Variants in SLIT3 observed in about 807,000 individuals in gnomAD.
The protein encoded by SLIT3 is slit guidance ligand 3.
Under a neutral mutation model 184.0 loss-of-function variants are expected in SLIT3, and 68 were observed. The ratio of observed to expected loss-of-function variants is 0.37; its 90% CI spans 0.30 to 0.45. SLIT3 has a LOEUF of 0.45. Ranked by LOEUF, SLIT3 falls within the 20% of genes least tolerant of loss-of-function variation. SLIT3 has a pLI of 1.00. For synonymous variants in SLIT3, 831 were observed against 828.6 expected, an observed-to-expected ratio of 1.00 and a Z score of -0.05; for missense variants, 1,707 against 2,026.0, an observed-to-expected ratio of 0.84 and a Z score of 3.02.
chr5:168,757,461 T>C (rs1754988161), intron 16 of SLIT3, among the ~76,000 whole-genome samples: 2 of 152,274 alleles, frequency 1.3e-5, no homozygotes, highest in South Asian at 4.2e-4. Context: ...TGAGACGGAG[T>C]CTCACTCTGT....
chr5:168,851,183 C>T (rs1163756050), intron 5 of SLIT3, among the ~76,000 whole-genome samples: 12 of 151,900 alleles, frequency 7.9e-5, no homozygotes, highest in Admixed American at 6.6e-4. Flanking sequence ...ATTAGCCGGG[C>T]GTGGTGGCGG....
chr5:169,198,643 A>C (rs1763814106), intron 3 of SLIT3, among the ~76,000 whole-genome samples: 1 of 152,256 alleles, frequency 6.6e-6, no homozygotes, highest in South Asian at 2.1e-4. Context: ...AATTTTAAAA[A>C]GTTCTCCTGG....
At chr5:168,692,754 GC>G in intron 28 of SLIT3, 54 bp from the exon 29 acceptor site, 1 of 1,326,192 alleles carries the variant, frequency 7.5e-7, no homozygotes, top group Non-Finnish European at 1.1e-6. Flanking sequence ...GGATGCCCTG[GC>G]CAGAAGATCA....
At chr5:168,855,350 C>T (rs552611603) in intron 5 of SLIT3, among the ~76,000 whole-genome samples, 21 of 152,318 alleles carry the variant, frequency 1.4e-4, no homozygotes, top group African/African-American at 5.1e-4. Flanking sequence ...CCATATGACC[C>T]AGCAATTCCA....
At position 168,666,284 on chromosome 5, in the gene SLIT3, A is replaced by ATGG; in HGVS notation, c.*169_*170insCCA. ...GATGAAAATAGTCACTTTCCATAAT[A>ATGG]AAAATAAGTTCTATTTTTTGTTTAT... On this transcript the variant is annotated 3_prime_UTR_variant, in exon 36 of 36. Transcript: ENST00000519560. 1.8e-6 allele frequency: 1 copy of ATGG among 564,356 alleles called. No individual in the cohort carries two copies. The highest frequency in any genetic ancestry group is 2.9e-6 in the Non-Finnish European group (1 of 350,382). The allele number at this position is 564,356 out of a possible 1,614,324, so 35.0% of individuals were successfully genotyped here. A position where few individuals can be genotyped will look rare whatever the true frequency, so the allele number is the denominator to read the frequency against.
chr5:169,263,661 T>C (rs1295176461), intron 1 of SLIT3: 1 of 508,898 alleles, frequency 2.0e-6, no homozygotes, highest in Non-Finnish European at 4.0e-6. Flanking sequence ...TGGGCGTATC[T>C]GTGTGCTAGG....
intron 4 of SLIT3, among the ~76,000 whole-genome samples, chr5:168,896,454 A>G (rs1261085224): frequency 1.3e-5 from 2 of 152,230 alleles, no homozygotes; most frequent in African/African-American, 4.8e-5. Flanking sequence ...TGAGTAAAAG[A>G]AAAACCCTGC....
intron 1 of SLIT3, among the ~76,000 whole-genome samples, chr5:169,256,570 C>A (rs1449718905): frequency 2.0e-5 from 3 of 152,210 alleles, no homozygotes; most frequent in African/African-American, 7.2e-5. Context: ...CCAAAGTGAC[C>A]ACTGTGTCTT....
chr5:168,941,358 C>T (rs1337871823), intron 4 of SLIT3, among the ~76,000 whole-genome samples: 1 of 152,184 alleles, frequency 6.6e-6, no homozygotes, highest in African/African-American at 2.4e-5. Flanking sequence ...TAGGTTAGGT[C>T]ATTTCATCCT....
intron 9 of SLIT3, 90 bp from the exon 10 acceptor site, chr5:168,795,668 AG>A: frequency 9.4e-7 from 1 of 1,062,566 alleles, no homozygotes; most frequent in Non-Finnish European, 1.5e-6. Flanking sequence ...CCTTAAGGAC[AG>A]GGAGGTCTTT....
At chr5:169,050,851 C>T (rs1325442863) in intron 4 of SLIT3, among the ~76,000 whole-genome samples, 2 of 152,176 alleles carry the variant, frequency 1.3e-5, no homozygotes, top group Non-Finnish European at 2.9e-5. Context: ...ATGTACCTGG[C>T]ACACAATAGG....
intron 5 of SLIT3, among the ~76,000 whole-genome samples, chr5:168,881,686 G>A (rs527977743): frequency 3.9e-4 from 60 of 152,298 alleles, no homozygotes; most frequent in East Asian, 2.5e-3. Flanking sequence ...TGCATGGAAC[G>A]AAATACTAGA....
intron 26 of SLIT3, among the ~76,000 whole-genome samples, chr5:168,704,250 A>G (rs1254612671): frequency 1.4e-5 from 2 of 138,886 alleles, no homozygotes; most frequent in East Asian, 3.8e-4. Flanking sequence ...TAAATGGCTG[A>G]AAAAGAATCA....
chr5:169,108,433 G>A (rs1271233140), intron 4 of SLIT3, among the ~76,000 whole-genome samples: 3 of 152,210 alleles, frequency 2.0e-5, no homozygotes, highest in Non-Finnish European at 4.4e-5. Context: ...AAGTCCAGAG[G>A]AATCTTTCAG....
chr5:168,676,621 A>G (rs1761419842), intron 32 of SLIT3, among the ~76,000 whole-genome samples: 1 of 152,226 alleles, frequency 6.6e-6, no homozygotes, highest in African/African-American at 2.4e-5. Context: ...GCCCTCAGAC[A>G]GTTTTCTAAC....
chr5:168,836,279 A>T (rs1425716687), intron 6 of SLIT3, among the ~76,000 whole-genome samples: 2 of 152,196 alleles, frequency 1.3e-5, no homozygotes, highest in Non-Finnish European at 2.9e-5. Flanking sequence ...CCTGGCTTGG[A>T]GGTCCATGAG....
At chr5:168,948,712 G>A (rs1762561173) in intron 4 of SLIT3, among the ~76,000 whole-genome samples, 1 of 152,160 alleles carries the variant, frequency 6.6e-6, no homozygotes, top group Non-Finnish European at 1.5e-5. Flanking sequence ...AATATTTAAA[G>A]CATATACATG....
At chr5:169,192,430 TG>T in intron 4 of SLIT3, among the ~76,000 whole-genome samples, 1 of 141,440 alleles carries the variant, frequency 7.1e-6, no homozygotes, top group Non-Finnish European at 1.6e-5. Flanking sequence ...TCTCTGTGTG[TG>T]TGTGTGTGTG....
rs142953631 is a variant in SLIT3 at position 168,901,362 on chromosome 5, T to TCAAAACAAAACAAAACAAAACAAAA, written c.414-18051_414-18027dup. Among the ~76,000 whole-genome samples, 1,172 of 148,828 alleles carry TCAAAACAAAACAAAACAAAACAAAA rather than the reference T, an allele frequency of 7.9e-3. 9 individuals carry two copies. Among genetic ancestry groups the TCAAAACAAAACAAAACAAAACAAAA allele is most frequent in the Non-Finnish European group, 0.012 (789 of 67,278 alleles). ...CTGGGTGACAGAGTGAGACTCCGTC[T>TCAAAACAAAACAAAACAAAACAAAA]CAAAACAAAACAAAACAAAACAAAA... On this transcript the variant is annotated intron_variant, in intron 4 of 35. Coordinates refer to ENST00000519560, the MANE Select transcript of SLIT3 (RefSeq NM_003062.4).
Sources: allele counts gnomAD v4.1 joint callset (sites outside exome capture counted in the v4.1 genomes callset), GRCh38; gene constraint gnomAD v4.1.1; transcripts MANE v1.5; gene names NCBI Gene and HGNC (gene_info 2026-07-23, HGNC 2026-07-21).